The following CCDC171 variants were observed in gnomAD, a reference collection of about 807,000 sequenced individuals.
CCDC171 encodes coiled-coil domain-containing protein 171.
A neutral mutation model predicts 168.2 loss-of-function variants in CCDC171; 177 were observed. The observed-to-expected ratio is 1.05, with a 90% CI of 0.93 to 1.19. The LOEUF (loss-of-function observed/expected upper bound fraction) is 1.19, where lower values mean the gene tolerates loss of function less well. Ranked by LOEUF, CCDC171 falls within the 50% of genes most tolerant of loss-of-function variation. The pLI, the probability that CCDC171 is intolerant of heterozygous loss-of-function variation, is 0.00. For missense variants in CCDC171, 1,991 were observed against 1,539.0 expected, an observed-to-expected ratio of 1.29 and a Z score of -4.91; for synonymous variants, 687 against 540.8, an observed-to-expected ratio of 1.27 and a Z score of -3.75.
In CCDC171 at chr9:15,756,128, T is replaced by C. The variant is rs145632143; in HGVS notation, c.2671+10497T>C. 3.4e-3 allele frequency among the ~76,000 whole-genome samples: 513 copies of C among 152,224 alleles called. 3 individuals are homozygous for C. The Middle Eastern group carries it at 0.041, about 12-fold the overall frequency. ...TATTCCTGGCTGGCTAGCTAGAAGG[T>C]GGCAACAGAGAAGGGATATTTTGTA... On this transcript the variant is annotated intron_variant, in intron 18 of 25. Transcript: ENST00000380701.
intron 2 of CCDC171, among the ~76,000 whole-genome samples, chr9:15,567,894 T>C (rs907656192): frequency 6.6e-6 from 1 of 152,056 alleles, no homozygotes; most frequent in Non-Finnish European, 1.5e-5. Flanking sequence ...CCTCAAGTGA[T>C]CCTCCTGCCT....
chr9:16,048,325 C>A (rs1189215193), intron 1 of CCDC171, among the ~76,000 whole-genome samples: 1 of 152,184 alleles, frequency 6.6e-6, no homozygotes, highest in Non-Finnish European at 1.5e-5. Context: ...AGGAAAGGTG[C>A]AGACTGATGG....
At chr9:15,907,618 A>C (rs1822889446) in intron 24 of CCDC171, among the ~76,000 whole-genome samples, 1 of 152,244 alleles carries the variant, frequency 6.6e-6, no homozygotes, top group Non-Finnish European at 1.5e-5. Flanking sequence ...CATGTCTAAA[A>C]CACCAAAAGC....
chr9:15,698,998 G>A (rs1412156663), intron 11 of CCDC171, among the ~76,000 whole-genome samples: 2 of 152,214 alleles, frequency 1.3e-5, no homozygotes, highest in Admixed American at 6.5e-5. Context: ...AATATCTGTA[G>A]TGGGATTGCT....
rs1016532972 is a variant in CCDC171 at position 15,673,265 on chromosome 9, G to A, written c.1077-5493G>A. Among the ~76,000 whole-genome samples the A allele has an allele frequency of 5.9e-5, 9 of 152,282 alleles. No individual in the cohort carries two copies. The South Asian group carries it at 6.2e-4, about 11-fold the overall frequency. On this transcript the variant is annotated intron_variant, in intron 9 of 25. Coordinates refer to ENST00000380701, the MANE Select transcript of CCDC171 (RefSeq NM_173550.4). ...GGAGATTTTGGGCTGAGATGATGGG[G>A]TTTTCTAAATATACAATCATGTCAT...
At chr9:15,583,436 T>C (rs1587139388) in intron 4 of CCDC171, among the ~76,000 whole-genome samples, 1 of 150,152 alleles carries the variant, frequency 6.7e-6, no homozygotes, top group Non-Finnish European at 1.5e-5. Flanking sequence ...GAAAATGTGC[T>C]ATATATACAG....
At chr9:15,686,854 G>A (rs2050431063) in intron 10 of CCDC171, among the ~76,000 whole-genome samples, 1 of 152,098 alleles carries the variant, frequency 6.6e-6, no homozygotes. Context: ...AGAACAATGA[G>A]GAAGAATATC....
intron 25 of CCDC171, among the ~76,000 whole-genome samples, chr9:15,953,134 A>G (rs1208073437): frequency 6.6e-6 from 1 of 152,124 alleles, no homozygotes; most frequent in African/African-American, 2.4e-5. Context: ...AAAGAAAGAT[A>G]ATTTCACTTC....
intron 21 of CCDC171, among the ~76,000 whole-genome samples, chr9:15,819,664 A>G (rs1224539277): frequency 8.5e-6 from 1 of 117,940 alleles, no homozygotes; most frequent in East Asian, 2.1e-4. Flanking sequence ...TATGCACCCA[A>G]TACAGGAACA....
intron 1 of CCDC171, among the ~76,000 whole-genome samples, chr9:16,058,391 C>T (rs1194220100): frequency 6.6e-6 from 1 of 152,152 alleles, no homozygotes; most frequent in Non-Finnish European, 1.5e-5. Context: ...TGTTACCCTG[C>T]AGTGACAGCA....
chr9:16,078,254 C>G, the CCDC171 span, among the ~76,000 whole-genome samples: 1 of 152,156 alleles, frequency 6.6e-6, no homozygotes, highest in Non-Finnish European at 1.5e-5. Flanking sequence ...CAAAGGTGTG[C>G]CATTCTCTCC....
At chr9:15,980,856 A>G (rs1209086728) in intron 3 of CCDC171, among the ~76,000 whole-genome samples, 1 of 136,456 alleles carries the variant, frequency 7.3e-6, no homozygotes, top group African/African-American at 2.8e-5. Flanking sequence ...GTCCGTTTTC[A>G]TACTGCTGAT....
rs763828696 is a variant in CCDC171, at chr9:15,744,659, C to G, written c.2436C>G (p.Asn812Lys). The G allele has an allele frequency of 5.0e-6, 8 of 1,614,020 alleles. No homozygotes were observed. In the Admixed American group the frequency reaches 5.0e-5, roughly 10 times the overall value. Residue 812 changes from asparagine to lysine, a missense_variant, in exon 17 of 26, where the codon AAC becomes AAG. Physicochemically the swap from Asn to Lys is moderately conservative, Grantham distance 94. Transcript: ENST00000380701. ...GTGTTATTGCTGTTTTGGCAGCAAA[C>G]AGACTCAAGATTTTGGGCCAATCAT... ...RKGVIAVLAANRLKILGQSCA... is the reference protein window; with the variant it reads ...RKGVIAVLAAKRLKILGQSCA...
At chr9:15,684,601 A>G (rs952838665) in intron 10 of CCDC171, among the ~76,000 whole-genome samples, 2 of 152,156 alleles carry the variant, frequency 1.3e-5, no homozygotes, top group Non-Finnish European at 1.5e-5. Flanking sequence ...TGAGTGAGCA[A>G]AAAAGTGAGC....
In CCDC171 at chr9:15,678,842, G is replaced by C. The variant is rs1277234073; in HGVS notation, c.1161G>C (p.Lys387Asn). Residue 387 changes from lysine to asparagine, a missense_variant, in exon 10 of 26, where the codon AAG becomes AAC. Physicochemically the swap from Lys to Asn is moderately conservative, Grantham distance 94 (BLOSUM62 0). Coordinates refer to ENST00000380701, the MANE Select transcript of CCDC171 (RefSeq NM_173550.4). The part of the protein sequence containing the change: ...EQKKVIIDLS[K>N]RLQYNEKSCS... ...AGAAAGTAATTATAGACCTTTCAAA[G>C]AGACTCCAGTATAATGAAAAAAGTT... is the stretch of plus-strand genomic sequence containing the variant. 6.3e-7 allele frequency: 1 copy of C among 1,598,166 alleles called. No homozygotes were observed. Among genetic ancestry groups the C allele is most frequent in the Admixed American group, 1.7e-5 (1 of 57,178 alleles).
chr9:15,878,117 A>G (rs12006236), intron 24 of CCDC171, among the ~76,000 whole-genome samples: 3,739 of 152,282 alleles, frequency 0.025, 162 homozygotes, highest in African/African-American at 0.086. Flanking sequence ...AACAAAGACA[A>G]CAAATGACAA....
intron 6 of CCDC171, among the ~76,000 whole-genome samples, chr9:15,596,602 G>T (rs1240024941): frequency 3.3e-5 from 5 of 151,536 alleles, no homozygotes; most frequent in East Asian, 1.9e-4. Flanking sequence ...TTGTTCTTTT[G>T]GCTTAGGATT....
At chr9:16,029,561 G>A (rs1444983315) in intron 6 of CCDC171, among the ~76,000 whole-genome samples, 1 of 152,230 alleles carries the variant, frequency 6.6e-6, no homozygotes, top group African/African-American at 2.4e-5. Context: ...CTCTGTATTT[G>A]TTAGGCCTGC....
intron 23 of CCDC171, among the ~76,000 whole-genome samples, chr9:15,851,834 G>A (rs956975992): frequency 2.0e-5 from 3 of 151,888 alleles, no homozygotes; most frequent in African/African-American, 7.2e-5. Flanking sequence ...AATACAATAT[G>A]TGATTTTAGA....
Sources: gnomAD v4.1 joint callset for allele counts (sites outside exome capture counted in the v4.1 genomes callset) on GRCh38, gnomAD v4.1.1 for gene constraint, MANE v1.5 for transcripts, NCBI Gene and HGNC (gene_info 2026-07-23, HGNC 2026-07-21) for gene names.